Variants in MBNL1 observed in about 807,000 individuals in gnomAD.
The protein encoded by MBNL1 is muscleblind like splicing regulator 1, also known as muscleblind-like protein 1.
In MBNL1, 8 loss-of-function variants were observed where a neutral mutation model predicts 42.2. That is an observed-to-expected ratio of 0.19 (90% CI 0.11 to 0.34). The LOEUF (loss-of-function observed/expected upper bound fraction) is 0.34. MBNL1 is among the 10% of genes least tolerant of loss of function. The pLI is 1.00. For missense variants in MBNL1, 309 were observed against 495.3 expected (o/e 0.62, Z 3.57); for synonymous variants, 169 against 173.9 (o/e 0.97, Z 0.22).
chr3:152,396,663 T>A (rs536392421), intron 2 of MBNL1, among the ~76,000 whole-genome samples: 1 of 152,306 alleles, frequency 6.6e-6, no homozygotes, highest in South Asian at 2.1e-4. Flanking sequence ...CTGTAATATA[T>A]CCTATATTAA....
intron 2 of MBNL1, among the ~76,000 whole-genome samples, chr3:152,301,304 A>G (rs1184124647): frequency 6.6e-6 from 1 of 152,198 alleles, no homozygotes; most frequent in Non-Finnish European, 1.5e-5. Context: ...GGGTACTTTC[A>G]GCCTACTTGG....
rs1023006189 is a variant in MBNL1, at chr3:152,297,254, G to GTTTTT, written c.-789-2135_-789-2131dup. On this transcript the variant is annotated intron_variant, in intron 1 of 9. Coordinates refer to ENST00000324210, the MANE Select transcript of MBNL1 (RefSeq NM_021038.5). ...GCTTACAGTTTATGACTGGACCTTT[G>GTTTTT]TTTTTTTTTTTTTTTTTTTTATAGA... is the stretch of plus-strand genomic sequence containing the variant. Among the ~76,000 whole-genome samples, 15 of 101,466 alleles carry GTTTTT rather than the reference G, an allele frequency of 1.5e-4. 1 individual carries two copies. Among genetic ancestry groups the GTTTTT allele is most frequent in the East Asian group, 2.6e-4 (1 of 3,884 alleles). The allele number at this position is 101,466 out of a possible 152,430, so 66.6% of individuals were successfully genotyped here.
chr3:152,319,426 T>A (rs1324218661), intron 2 of MBNL1, among the ~76,000 whole-genome samples: 1 of 151,980 alleles, frequency 6.6e-6, no homozygotes, highest in African/African-American at 2.4e-5. Context: ...GATCTTGAGG[T>A]CATTAGGACC....
At chr3:152,433,851 A>G (rs1227819412) in intron 4 of MBNL1, among the ~76,000 whole-genome samples, 4 of 152,144 alleles carry the variant, frequency 2.6e-5, no homozygotes, top group Admixed American at 2.0e-4. Flanking sequence ...AAAGATATTA[A>G]AGTTTTAAAT....
chr3:152,379,486 CT>C (rs1466979597), intron 2 of MBNL1, among the ~76,000 whole-genome samples: 2 of 152,034 alleles, frequency 1.3e-5, no homozygotes, highest in Non-Finnish European at 2.9e-5. Flanking sequence ...TCTTGGGGAC[CT>C]TTCCAAATTG....
At chr3:152,344,746 T>C (rs2152897027) in intron 2 of MBNL1, among the ~76,000 whole-genome samples, 1 of 152,294 alleles carries the variant, frequency 6.6e-6, no homozygotes. Flanking sequence ...AGAGAAATTA[T>C]CACTTACACG....
chr3:152,347,942 A>C (rs1426407021), intron 2 of MBNL1, among the ~76,000 whole-genome samples: 1 of 152,160 alleles, frequency 6.6e-6, no homozygotes, highest in Non-Finnish European at 1.5e-5. Flanking sequence ...TGAACAGTAA[A>C]ATTGAAAATG....
At chr3:152,321,461 G>A (rs945643617) in intron 2 of MBNL1, among the ~76,000 whole-genome samples, 7 of 151,912 alleles carry the variant, frequency 4.6e-5, no homozygotes, top group African/African-American at 7.2e-5. Flanking sequence ...TGAGTTTTCC[G>A]AGAGGGTAAG....
At chr3:152,326,441 A>G (rs1335909083) in intron 2 of MBNL1, among the ~76,000 whole-genome samples, 1 of 152,058 alleles carries the variant, frequency 6.6e-6, no homozygotes, top group Non-Finnish European at 1.5e-5. Flanking sequence ...GCCTGGGCCA[A>G]TCCTTATAAA....
chr3:152,368,344 G>T (rs1175206226), intron 2 of MBNL1, among the ~76,000 whole-genome samples: 2 of 152,024 alleles, frequency 1.3e-5, no homozygotes, highest in African/African-American at 4.8e-5. Flanking sequence ...TATTTTTGAG[G>T]CCTCTGTTCT....
In MBNL1 at chr3:152,410,919, G is replaced by C. The variant is rs192885059; in HGVS notation, c.175-4022G>C. Reference sequence around the variant, plus strand: ...TATTTTTAGAGCGTTTAACAGATACGCTGCTAAATTGAGCAACTGCTGCTT... The same window carrying C: ...TATTTTTAGAGCGTTTAACAGATACCCTGCTAAATTGAGCAACTGCTGCTT... On this transcript the variant is annotated intron_variant, in intron 2 of 9. Transcript: ENST00000324210. 2.4e-3 allele frequency among the ~76,000 whole-genome samples: 368 copies of C among 152,286 alleles called. 1 individual carries two copies. Among genetic ancestry groups the C allele is most frequent in the Admixed American group, 6.4e-3 (98 of 15,288 alleles).
intron 5 of MBNL1, among the ~76,000 whole-genome samples, 184 bp downstream of exon 5, chr3:152,445,723 T>C (rs1236873649): frequency 2.0e-5 from 3 of 152,226 alleles, no homozygotes; most frequent in Admixed American, 6.5e-5. Flanking sequence ...ACTCCTCAAA[T>C]GGTTCAGATT....
At chr3:152,449,914 G>A (rs1718616220) in intron 6 of MBNL1, among the ~76,000 whole-genome samples, 1 of 151,922 alleles carries the variant, frequency 6.6e-6, no homozygotes, top group Admixed American at 6.6e-5. Flanking sequence ...AGGCCAGCGT[G>A]GCCAACATGG....
chr3:152,437,795 A>G (rs2099098615), intron 4 of MBNL1, among the ~76,000 whole-genome samples: 2 of 144,324 alleles, frequency 1.4e-5, no homozygotes, highest in African/African-American at 5.2e-5. Flanking sequence ...TTTTTTTGAC[A>G]CTAAGTCTCA....
Position 152,465,522 on chromosome 3 carries a change from T to C in MBNL1, c.*3156T>C, listed in dbSNP as rs1293425765. 1 of 152,636 alleles carries C rather than the reference T, an allele frequency of 6.6e-6. No individual in the cohort carries two copies. The highest frequency in any genetic ancestry group is 1.5e-5 in the Non-Finnish European group (1 of 68,036). 9.5% of individuals were successfully genotyped at this position (152,636 alleles called of 1,614,324 possible). On this transcript the variant is annotated 3_prime_UTR_variant, in exon 10 of 10. Coordinates refer to ENST00000324210, the MANE Select transcript of MBNL1 (RefSeq NM_021038.5). ...GCACTTGTTTAAAAGAATTAGTGTA[T>C]CCAGCCTTCACTCCAGCTGGTTAAA...
chr3:152,257,441 C>T (rs1050643377), intron 2 of MBNL1, among the ~76,000 whole-genome samples: 2 of 152,046 alleles, frequency 1.3e-5, no homozygotes, highest in Non-Finnish European at 2.9e-5. Flanking sequence ...GCCAAGAGGC[C>T]TCTCCTTGTG....
chr3:152,253,576 C>G (rs2034992503), intron 2 of MBNL1, among the ~76,000 whole-genome samples: 2 of 152,130 alleles, frequency 1.3e-5, no homozygotes, highest in Admixed American at 6.6e-5. Flanking sequence ...AGGATAAAAT[C>G]CAGATTCCTC....
intron 2 of MBNL1, among the ~76,000 whole-genome samples, chr3:152,256,563 A>T (rs2035470526): frequency 6.6e-6 from 1 of 152,166 alleles, no homozygotes; most frequent in Non-Finnish European, 1.5e-5. Context: ...TTCCATGGTA[A>T]TTATATTCCC....
chr3:152,442,495 A>G (rs569709216), intron 4 of MBNL1, among the ~76,000 whole-genome samples: 20 of 152,326 alleles, frequency 1.3e-4, no homozygotes, highest in African/African-American at 4.8e-4. Context: ...ATTTAATTTT[A>G]TATTCTGTTT....
Sources: allele counts gnomAD v4.1 joint callset (sites outside exome capture counted in the v4.1 genomes callset), GRCh38; gene constraint gnomAD v4.1.1; transcripts MANE v1.5; gene names NCBI Gene and HGNC (gene_info 2026-07-23, HGNC 2026-07-21).